The following MDGA2 variants were observed in gnomAD, a reference collection of about 807,000 sequenced individuals.
The protein encoded by MDGA2 is MAM domain containing glycosylphosphatidylinositol anchor 2, also known as MAM domain-containing glycosylphosphatidylinositol anchor protein 2.
A neutral mutation model predicts 117.8 loss-of-function variants in MDGA2; 40 were observed. That is an observed-to-expected ratio of 0.34 (90% CI 0.26 to 0.44). The LOEUF (loss-of-function observed/expected upper bound fraction) is 0.44. Among genes scored for constraint, MDGA2 ranks in the 20% least tolerant of loss-of-function variants. The pLI is 1.00. For synonymous variants in MDGA2, 452 were observed against 439.0 expected, an observed-to-expected ratio of 1.03 and a Z score of -0.37; for missense variants, 1,123 against 1,250.6, an observed-to-expected ratio of 0.90 and a Z score of 1.54.
intron 1 of MDGA2, among the ~76,000 whole-genome samples, chr14:47,355,612 A>C (rs545269437): frequency 1.5e-4 from 23 of 152,152 alleles, no homozygotes; most frequent in African/African-American, 5.5e-4. Context: ...AAACTGCCAG[A>C]GAAAGTGCTC....
intron 7 of MDGA2, among the ~76,000 whole-genome samples, chr14:47,058,213 T>C (rs575633465): frequency 2.2e-4 from 34 of 152,170 alleles, no homozygotes; most frequent in Admixed American, 5.9e-4. Context: ...AGAGTAACAA[T>C]TGAGATTCGA....
chr14:47,272,067 G>C (rs1888163111), intron 2 of MDGA2, among the ~76,000 whole-genome samples: 1 of 152,082 alleles, frequency 6.6e-6, no homozygotes, highest in Non-Finnish European at 1.5e-5. Flanking sequence ...AAAATGCTTA[G>C]CATTTTTTTT....
rs60442845 is a variant in MDGA2, at chr14:47,018,733, G to GAAAAA, written c.1819+16273_1819+16277dup. On this transcript the variant is annotated intron_variant, in intron 8 of 16. Transcript: ENST00000399232. ...ACTGTAAGGCTCAAGCCATTTTACT[G>GAAAAA]AAAAAAAAAAAAAAAAAAAAAAAAA... Among the ~76,000 whole-genome samples the GAAAAA allele has an allele frequency of 2.7e-3, 105 of 38,646 alleles. 19 individuals are homozygous for GAAAAA. Among genetic ancestry groups the GAAAAA allele is most frequent in the Middle Eastern group, 0.026 (1 of 38 alleles). 25.4% of individuals were successfully genotyped at this position (38,646 alleles called of 152,430 possible).
chr14:47,252,008 T>C (rs1183255578), intron 2 of MDGA2, among the ~76,000 whole-genome samples: 3 of 152,044 alleles, frequency 2.0e-5, no homozygotes, highest in African/African-American at 4.8e-5. Flanking sequence ...GAGGCTATAG[T>C]TTCCCAGAGT....
intron 1 of MDGA2, among the ~76,000 whole-genome samples, chr14:47,568,953 C>CTT (rs547050831): frequency 7.1e-5 from 10 of 141,654 alleles, no homozygotes; most frequent in African/African-American, 2.6e-4. Context: ...AAATTAATGT[C>CTT]TTTTTTTTTT....
At chr14:47,051,749 T>A (rs567538425) in intron 7 of MDGA2, among the ~76,000 whole-genome samples, 1 of 151,892 alleles carries the variant, frequency 6.6e-6, no homozygotes, top group South Asian at 2.1e-4. Flanking sequence ...CACTACCACA[T>A]AGAAGAAAAT....
intron 1 of MDGA2, among the ~76,000 whole-genome samples, chr14:47,381,306 A>G: frequency 6.6e-6 from 1 of 152,152 alleles, no homozygotes. Flanking sequence ...GGCACAAGAC[A>G]GGGATGCCCT....
chr14:46,879,213 G>A (rs976955825), intron 11 of MDGA2, among the ~76,000 whole-genome samples: 1 of 151,998 alleles, frequency 6.6e-6, no homozygotes, highest in Non-Finnish European at 1.5e-5. Context: ...AGACACCAGA[G>A]AGCTCTCTCT....
At chr14:47,271,979 A>G (rs1397940051) in intron 2 of MDGA2, among the ~76,000 whole-genome samples, 1 of 151,214 alleles carries the variant, frequency 6.6e-6, no homozygotes, top group Non-Finnish European at 1.5e-5. Context: ...GATATTCATA[A>G]ACAACGTTTT....
chr14:47,426,480 T>G (rs1892692077), intron 1 of MDGA2, among the ~76,000 whole-genome samples: 1 of 151,874 alleles, frequency 6.6e-6, no homozygotes, highest in Non-Finnish European at 1.5e-5. Flanking sequence ...ACTGTTCGTT[T>G]AACAAAAAGA....
intron 3 of MDGA2, among the ~76,000 whole-genome samples, chr14:47,171,699 C>T (rs1594691245): frequency 6.6e-6 from 1 of 152,210 alleles, no homozygotes. Flanking sequence ...CTCCGGTCTA[C>T]AGCTCCCAGC....
intron 3 of MDGA2, among the ~76,000 whole-genome samples, chr14:47,164,420 C>A (rs1165919342): frequency 2.0e-5 from 3 of 152,174 alleles, no homozygotes; most frequent in Non-Finnish European, 4.4e-5. Flanking sequence ...AAACAAACAA[C>A]CCCATCAACA....
chr14:47,024,054 T>C (rs1477991707), intron 8 of MDGA2, among the ~76,000 whole-genome samples: 2 of 152,110 alleles, frequency 1.3e-5, no homozygotes, highest in East Asian at 1.9e-4. Context: ...ACTCAGTAAA[T>C]ATGTCCTCTG....
chr14:46,876,390 TGATA>T (rs1017022080), intron 12 of MDGA2, among the ~76,000 whole-genome samples: 37 of 151,544 alleles, frequency 2.4e-4, no homozygotes, highest in Non-Finnish European at 4.4e-4. Flanking sequence ...AAAGAATATC[TGATA>T]GATAATGATA....
chr14:47,491,281 T>C (rs1213540162), intron 1 of MDGA2, among the ~76,000 whole-genome samples: 1 of 152,076 alleles, frequency 6.6e-6, no homozygotes, highest in African/African-American at 2.4e-5. Context: ...CAACTGGCCC[T>C]AAAACCACTG....
chr14:47,201,057 C>A (rs889867489), intron 3 of MDGA2: 10 of 1,136,940 alleles, frequency 8.8e-6, no homozygotes, highest in Non-Finnish European at 1.3e-5. Flanking sequence ...CCAGGCGGCC[C>A]AGGAGATGGC....
chr14:47,106,993 C>T lies in MDGA2; in HGVS notation c.926-9870G>A, dbSNP rs556675579. Among the ~76,000 whole-genome samples, 574 of 117,418 alleles carry T rather than the reference C, an allele frequency of 4.9e-3. 73 individuals are homozygous for T. Among genetic ancestry groups the T allele is most frequent in the East Asian group, 6.0e-3 (21 of 3,496 alleles). The allele number at this position is 117,418 out of a possible 152,430, so 77.0% of individuals were successfully genotyped here. A position where few individuals can be genotyped will look rare whatever the true frequency, so the allele number is the denominator to read the frequency against. On this transcript the variant is annotated intron_variant, in intron 5 of 16. Coordinates refer to ENST00000399232, the MANE Select transcript of MDGA2 (RefSeq NM_001113498.3). ...ATCTGCTTCCCTGACTATTCCTGGA[C>T]TACAGCTATATCTCATTGCCACCCT...
chr14:47,225,739 C>A (rs1042660998), intron 2 of MDGA2, among the ~76,000 whole-genome samples: 2 of 151,826 alleles, frequency 1.3e-5, no homozygotes, highest in Non-Finnish European at 2.9e-5. Flanking sequence ...GTGCAGCGCA[C>A]CAGCATGGCA....
intron 8 of MDGA2, among the ~76,000 whole-genome samples, chr14:47,023,979 G>A (rs914234427): frequency 9.9e-5 from 15 of 152,154 alleles, no homozygotes; most frequent in African/African-American, 3.4e-4. Flanking sequence ...AAGTAAAAAC[G>A]GAACTAGCAT....
Sources: allele counts gnomAD v4.1 joint callset (sites outside exome capture counted in the v4.1 genomes callset), GRCh38; gene constraint gnomAD v4.1.1; transcripts MANE v1.5; gene names NCBI Gene and HGNC (gene_info 2026-07-23, HGNC 2026-07-21).